Variants in SLC22A23 observed in about 807,000 individuals in gnomAD.
The protein encoded by SLC22A23 is solute carrier family 22 member 23.
SLC22A23 carries 26 observed loss-of-function variants against 61.0 expected under a neutral mutation model. The ratio of observed to expected loss-of-function variants is 0.43; its 90% CI spans 0.31 to 0.59. SLC22A23 has a LOEUF of 0.59. Among genes scored for constraint, SLC22A23 ranks in the 20% least tolerant of loss-of-function variants. The pLI is 0.11. For synonymous variants in SLC22A23, 430 were observed against 413.9 expected (o/e 1.04, Z -0.47); for missense variants, 796 against 934.7 (o/e 0.85, Z 1.94).
chr6:3,316,219 G>A (rs960107020), intron 4 of SLC22A23, among the ~76,000 whole-genome samples: 7 of 152,204 alleles, frequency 4.6e-5, no homozygotes, highest in Admixed American at 2.0e-4. Context: ...GTGATTTGGT[G>A]AAGGTTTTTT....
In SLC22A23 at chr6:3,440,853, C is replaced by T. The variant is rs190940205; in HGVS notation, c.654+15053G>A. Reference sequence around the variant, plus strand: ...CTGCTGAACCTTGGTCTTGGACTTCCAGCCTCCAGAACTGTAAGGAAATAC... The same window carrying T: ...CTGCTGAACCTTGGTCTTGGACTTCTAGCCTCCAGAACTGTAAGGAAATAC... On this transcript the variant is annotated intron_variant, in intron 1 of 9. Transcript: ENST00000406686. 2.8e-3 allele frequency among the ~76,000 whole-genome samples: 423 copies of T among 152,326 alleles called. 1 individual carries two copies. The highest frequency in any genetic ancestry group is 4.4e-3 in the Non-Finnish European group (298 of 68,030).
intron 3 of SLC22A23, among the ~76,000 whole-genome samples, chr6:3,332,514 T>C (rs957550249): frequency 3.3e-5 from 5 of 152,364 alleles, no homozygotes; most frequent in African/African-American, 9.6e-5. Context: ...AATGTTCATA[T>C]ATTCACAAAG....
At chr6:3,347,978 G>T (rs556087283) in intron 3 of SLC22A23, among the ~76,000 whole-genome samples, 1 of 152,256 alleles carries the variant, frequency 6.6e-6, no homozygotes, top group Non-Finnish European at 1.5e-5. Flanking sequence ...GTGTCATCAT[G>T]GAGGCTTTTG....
chr6:3,310,674 G>A (rs924414607), intron 4 of SLC22A23, among the ~76,000 whole-genome samples: 1 of 151,222 alleles, frequency 6.6e-6, no homozygotes, highest in Non-Finnish European at 1.5e-5. Context: ...CTACGAGGTT[G>A]ATCATTTTTC....
rs563792798 is a variant in SLC22A23 at position 3,318,790 on chromosome 6, T to G, written c.1082+5044A>C. On this transcript the variant is annotated intron_variant, in intron 4 of 9. Coordinates refer to ENST00000406686, the MANE Select transcript of SLC22A23 (RefSeq NM_015482.2). The surrounding 1 kb of genome is among the most constrained non-coding windows in gnomAD (Gnocchi z 4.3). ...CCACAGTAGGATAGCAGGACAGGAC[T>G]TCAGCCTCCAGCCCTCCTGAGCTTC... is the stretch of plus-strand genomic sequence containing the variant. Among the ~76,000 whole-genome samples, 3 of 152,286 alleles carry G rather than the reference T, an allele frequency of 2.0e-5. No homozygotes were observed. The East Asian group carries it at 5.8e-4, about 29-fold the overall frequency.
chr6:3,350,407 G>T (rs1764695634), intron 3 of SLC22A23, among the ~76,000 whole-genome samples: 1 of 152,192 alleles, frequency 6.6e-6, no homozygotes, highest in African/African-American at 2.4e-5. Context: ...ACAACCAAAA[G>T]ATGAATAATA....
At chr6:3,428,321 C>T (rs1409515887) in intron 1 of SLC22A23, among the ~76,000 whole-genome samples, 2 of 152,150 alleles carry the variant, frequency 1.3e-5, no homozygotes, top group Non-Finnish European at 2.9e-5. Flanking sequence ...GGTGACAGGC[C>T]TCGGATGGCC....
chr6:3,355,185 T>C (rs1389918396), intron 3 of SLC22A23, among the ~76,000 whole-genome samples: 1 of 136,310 alleles, frequency 7.3e-6, no homozygotes, highest in East Asian at 2.1e-4. Flanking sequence ...CCTCCCCAGC[T>C]AAAAAAAAAA....
At chr6:3,401,608 A>G (rs1239797849) in intron 3 of SLC22A23, among the ~76,000 whole-genome samples, 1 of 152,192 alleles carries the variant, frequency 6.6e-6, no homozygotes, top group African/African-American at 2.4e-5. Context: ...TGCCCAAAGG[A>G]CATTTTTCAA....
intron 3 of SLC22A23, among the ~76,000 whole-genome samples, chr6:3,401,198 C>T (rs752767433): frequency 5.3e-5 from 8 of 152,250 alleles, no homozygotes; most frequent in Non-Finnish European, 8.8e-5. Flanking sequence ...AAAAATTAGC[C>T]GGGCGTGGTG....
At chr6:3,406,541 TGTGTGTGCGC>T (rs1347697675) in intron 3 of SLC22A23, among the ~76,000 whole-genome samples, 2 of 55,090 alleles carry the variant, frequency 3.6e-5, no homozygotes, top group Non-Finnish European at 7.4e-5. Flanking sequence ...TGTGTGTGTG[TGTGTGTGCGC>T]GCATGTGTGT....
intron 1 of SLC22A23, among the ~76,000 whole-genome samples, chr6:3,420,880 G>A (rs1375820851): frequency 6.6e-6 from 1 of 152,112 alleles, no homozygotes. Flanking sequence ...CAAGGTGGGA[G>A]GGTCACTTGA....
At chr6:3,284,937 T>G in intron 8 of SLC22A23, 142 bp downstream of exon 8, 1 of 1,544,774 alleles carries the variant, frequency 6.5e-7, no homozygotes, top group Non-Finnish European at 8.7e-7. Flanking sequence ...GTGTCCAACC[T>G]ACGGCCAACT....
chr6:3,437,693 A>C (rs1334912224), intron 1 of SLC22A23, among the ~76,000 whole-genome samples: 3 of 151,530 alleles, frequency 2.0e-5, no homozygotes, highest in African/African-American at 7.3e-5. Context: ...CGTCTCAAAA[A>C]ATAAATAAAT....
chr6:3,379,309 G>T (rs1006486133), intron 3 of SLC22A23, among the ~76,000 whole-genome samples: 2 of 152,168 alleles, frequency 1.3e-5, no homozygotes, highest in Non-Finnish European at 2.9e-5. Context: ...TGGATTTGGA[G>T]TTCTTTGAGG....
intron 3 of SLC22A23, among the ~76,000 whole-genome samples, chr6:3,361,610 G>A (rs549425257): frequency 6.6e-6 from 1 of 152,344 alleles, no homozygotes; most frequent in East Asian, 1.9e-4. Flanking sequence ...AAGGGGCTGG[G>A]CCCATGAGTC....
chr6:3,432,034 G>A (rs143868758), intron 1 of SLC22A23: 21 of 187,526 alleles, frequency 1.1e-4, no homozygotes, highest in African/African-American at 3.6e-4. Flanking sequence ...GAAAGGGAGC[G>A]GCACATCCAT....
intron 3 of SLC22A23, among the ~76,000 whole-genome samples, chr6:3,382,175 G>A (rs573944027): frequency 2.0e-5 from 3 of 152,300 alleles, no homozygotes; most frequent in Admixed American, 2.0e-4. Context: ...ACAGGGTTGA[G>A]CCACCAACTC....
intron 1 of SLC22A23, among the ~76,000 whole-genome samples, chr6:3,419,381 G>C (rs535784108): frequency 6.6e-6 from 1 of 152,164 alleles, no homozygotes; most frequent in South Asian, 2.1e-4. Flanking sequence ...TGTGGGCTGG[G>C]AGGCCAAAAA....
Sources: gnomAD v4.1 joint callset for allele counts (sites outside exome capture counted in the v4.1 genomes callset) on GRCh38, gnomAD v4.1.1 for gene constraint, Gnocchi (gnomAD v3.1) non-coding constraint, MANE v1.5 for transcripts, NCBI Gene and HGNC (gene_info 2026-07-23, HGNC 2026-07-21) for gene names.